ZNF626: variants seen among roughly 807,000 people sequenced by gnomAD.
The protein encoded by ZNF626 is CTC-513N18.7.
In ZNF626, 4 loss-of-function variants were observed where a neutral mutation model predicts 11.7. The ratio of observed to expected loss-of-function variants is 0.34; its 90% CI spans 0.17 to 0.78. The LOEUF is 0.78. Ranked by LOEUF, ZNF626 falls within the 30% of genes least tolerant of loss-of-function variation. The probability of loss-of-function intolerance (pLI) is 0.57; values close to 1 mark genes in which losing one functional copy is unlikely to be tolerated. For missense variants in ZNF626, 588 were observed against 587.1 expected (o/e 1.00, Z -0.01); for synonymous variants, 179 against 198.6 (o/e 0.90, Z 0.83).
intron 3 of ZNF626, among the ~76,000 whole-genome samples, chr19:20,635,217 G>A (rs782144162): frequency 9.2e-5 from 14 of 152,164 alleles, no homozygotes; most frequent in East Asian, 1.9e-4. Flanking sequence ...AAAGTGCCAC[G>A]AAATTGGATG....
At chr19:20,655,703 A>G (rs138583557) in intron 1 of ZNF626, among the ~76,000 whole-genome samples, 57 of 152,120 alleles carry the variant, frequency 3.7e-4, no homozygotes, top group African/African-American at 1.3e-3. Flanking sequence ...CAGGTGGATC[A>G]CAAGGTCAGG....
chr19:20,628,923 A>G (rs1214936936), intron 3 of ZNF626, among the ~76,000 whole-genome samples: 2 of 152,200 alleles, frequency 1.3e-5, no homozygotes, highest in African/African-American at 2.4e-5. Context: ...TAGGTCTAAC[A>G]TTTAAGTCTT....
At chr19:20,648,843 T>G (rs1441508457) in intron 1 of ZNF626, among the ~76,000 whole-genome samples, 1 of 152,198 alleles carries the variant, frequency 6.6e-6, no homozygotes. Context: ...TTTTTAATAT[T>G]GCAGATCATA....
intron 3 of ZNF626, among the ~76,000 whole-genome samples, chr19:20,626,569 C>T (rs543595421): frequency 8.6e-5 from 13 of 150,986 alleles, no homozygotes; most frequent in Non-Finnish European, 1.6e-4. Context: ...AATACAAAAA[C>T]TAGCTGGGCA....
chr19:20,633,102 T>C (rs1169687037), intron 3 of ZNF626, among the ~76,000 whole-genome samples: 1 of 152,072 alleles, frequency 6.6e-6, no homozygotes, highest in East Asian at 1.9e-4. Flanking sequence ...GAACAGCGGA[T>C]TTTGCTGAAC....
chr19:20,656,863 A>G (rs1219986281), intron 1 of ZNF626, among the ~76,000 whole-genome samples: 1 of 152,234 alleles, frequency 6.6e-6, no homozygotes, highest in East Asian at 1.9e-4. Context: ...AAATTAGTTC[A>G]ACAACAGTAA....
At chr19:20,644,238 GCT>G (rs1555771707) in intron 3 of ZNF626, among the ~76,000 whole-genome samples, 1 of 152,200 alleles carries the variant, frequency 6.6e-6, no homozygotes, top group East Asian at 1.9e-4. Flanking sequence ...CTGAGGAAAT[GCT>G]CTCTGGTACT....
intron 3 of ZNF626, among the ~76,000 whole-genome samples, chr19:20,644,021 G>A (rs1427092718): frequency 6.6e-6 from 1 of 152,128 alleles, no homozygotes; most frequent in Non-Finnish European, 1.5e-5. Flanking sequence ...TTACTCTGTA[G>A]CCACCACAAA....
chr19:20,625,381 C>T lies in ZNF626; in HGVS notation c.496G>A (p.Gly166Arg). The change falls in exon 4 of 4, where the codon GGA becomes AGA. Residue 166 changes from glycine to arginine, a missense_variant. Around this residue, in one of 4 missense-constraint regions of ZNF626, gnomAD observed 524 missense variants for 470.1 expected, o/e 1.11. Coordinates refer to ENST00000601440, the MANE Select transcript of ZNF626 (RefSeq NM_001076675.3). Reference sequence around the variant, plus strand: ...TTGAAAGGTTTTTTCCCAGTATGTCCTCTCTTTTGTCCGTTTGAATTTGGA... The same window carrying T: ...TTGAAAGGTTTTTTCCCAGTATGTCTTCTCTTTTGTCCGTTTGAATTTGGA... ...QFPNSNGQKR[G>R]HTGKKPFKYI... The T allele has an allele frequency of 1.2e-6, 2 of 1,614,016 alleles. No individual in the cohort carries two copies. The highest frequency in any genetic ancestry group is 1.7e-5 in the Admixed American group (1 of 59,966).
At chr19:20,648,708 T>G (rs1374056192) in intron 1 of ZNF626, among the ~76,000 whole-genome samples, 1 of 152,204 alleles carries the variant, frequency 6.6e-6, no homozygotes, top group African/African-American at 2.4e-5. Context: ...TGCATAGAGC[T>G]AATGGAACAC....
At chr19:20,650,560 A>C (rs1199618652) in intron 1 of ZNF626, among the ~76,000 whole-genome samples, 1 of 152,212 alleles carries the variant, frequency 6.6e-6, no homozygotes, top group Non-Finnish European at 1.5e-5. Context: ...TTCACCAGCC[A>C]AAACTCTGAC....
At chr19:20,639,011 A>T (rs1324114388) in intron 3 of ZNF626, among the ~76,000 whole-genome samples, 3 of 152,220 alleles carry the variant, frequency 2.0e-5, no homozygotes, top group Non-Finnish European at 4.4e-5. Flanking sequence ...ACTGTATAAG[A>T]AGTGTGTGTC....
intron 3 of ZNF626, among the ~76,000 whole-genome samples, chr19:20,637,669 GATA>G (rs1305215807): frequency 6.6e-6 from 1 of 151,576 alleles, no homozygotes; most frequent in African/African-American, 2.4e-5. Flanking sequence ...TGATTACAAA[GATA>G]ATATTTATAG....
At chr19:20,646,532 T>A in intron 1 of ZNF626, 127 bp from the exon 2 acceptor site, 1 of 1,508,010 alleles carries the variant, frequency 6.6e-7, no homozygotes, top group Non-Finnish European at 8.9e-7. Flanking sequence ...AATTATCCAA[T>A]AAAATGATTT....
At chr19:20,651,753 G>A (rs1176325470) in intron 1 of ZNF626, among the ~76,000 whole-genome samples, 1 of 152,116 alleles carries the variant, frequency 6.6e-6, no homozygotes, top group African/African-American at 2.4e-5. Flanking sequence ...TTCTAAATAG[G>A]AAATAGAACT....
intron 3 of ZNF626, among the ~76,000 whole-genome samples, chr19:20,626,283 G>T (rs940263680): frequency 2.0e-5 from 3 of 152,058 alleles, no homozygotes; most frequent in African/African-American, 7.2e-5. Flanking sequence ...TATAAAGATT[G>T]TAACAGGTAG....
At chr19:20,653,095 T>A (rs534102666) in intron 1 of ZNF626, among the ~76,000 whole-genome samples, 60 of 152,244 alleles carry the variant, frequency 3.9e-4, no homozygotes, top group African/African-American at 1.4e-3. Context: ...GGCCTGCACA[T>A]TTAGGGTATG....
At chr19:20,629,244 T>G (rs1379347857) in intron 3 of ZNF626, among the ~76,000 whole-genome samples, 2 of 148,566 alleles carry the variant, frequency 1.3e-5, no homozygotes, top group African/African-American at 5.1e-5. Context: ...TCTTTTGGCT[T>G]AGGATTGACT....
intron 3 of ZNF626, among the ~76,000 whole-genome samples, chr19:20,626,001 G>A (rs935161381): frequency 3.3e-5 from 5 of 152,144 alleles, no homozygotes; most frequent in Admixed American, 6.6e-5. Flanking sequence ...GGTGACACAC[G>A]CCTGTAGTCC....
Sources: allele counts gnomAD v4.1 joint callset (sites outside exome capture counted in the v4.1 genomes callset), GRCh38; gene constraint gnomAD v4.1.1; regional missense constraint gnomAD v4.1.1; transcripts MANE v1.5; gene names NCBI Gene and HGNC (gene_info 2026-07-23, HGNC 2026-07-21).